UGT1A3: variants seen among roughly 807,000 people sequenced by gnomAD.
The protein encoded by UGT1A3 is UDP glucuronosyltransferase family 1 member A3.
UGT1A3 carries 31 observed loss-of-function variants against 41.0 expected under a neutral mutation model. That is an observed-to-expected ratio of 0.76 (90% CI 0.57 to 1.02). UGT1A3 has a LOEUF of 1.02. Ranked by LOEUF, UGT1A3 falls within the 50% of genes least tolerant of loss-of-function variation. The probability of loss-of-function intolerance (pLI) is 0.00; values close to 1 mark genes in which losing one functional copy is unlikely to be tolerated. For missense variants in UGT1A3, 737 were observed against 671.0 expected (o/e 1.10, Z -1.09); for synonymous variants, 262 against 257.6 (o/e 1.02, Z -0.17).
intron 1 of UGT1A3, among the ~76,000 whole-genome samples, chr2:233,744,590 G>C (rs1190508519): frequency 6.6e-6 from 1 of 151,850 alleles, no homozygotes; most frequent in Non-Finnish European, 1.5e-5. Flanking sequence ...TACAGTTTTT[G>C]CATCTCTCTT....
At position 233,769,202 on chromosome 2, in the gene UGT1A3, CACAG is replaced by C. The variant is rs1699813403; in HGVS notation, c.1307+767_1307+770del. Among the ~76,000 whole-genome samples the C allele has an allele frequency of 6.6e-6, 1 of 152,204 alleles. No homozygotes were observed. Among genetic ancestry groups the C allele is most frequent in the African/African-American group, 2.4e-5 (1 of 41,446 alleles). On this transcript the variant is annotated intron_variant, in intron 4 of 4. Coordinates refer to ENST00000482026, the MANE Select transcript of UGT1A3 (RefSeq NM_019093.4). The surrounding 1 kb of genome is among the most constrained non-coding windows in gnomAD (Gnocchi z 4.4). ...TATGAATGAAGGAGCTATAAGATAT[CACAG>C]ACAAAGTCTTAGAATAAGAGCAAAG...
chr2:233,756,334 A>G (rs1057243294), intron 1 of UGT1A3: 3 of 152,176 alleles, frequency 2.0e-5, no homozygotes, highest in African/African-American at 7.2e-5. Context: ...ACCTCTAGTC[A>G]TCTCTTGATT....
chr2:233,767,766 C>T lies in UGT1A3; in HGVS notation c.1000-83C>T, dbSNP rs28900402. The stretch of plus-strand genomic sequence containing the variant: ...TAAAGACTGTTCCTTCAGAGGACCC[C>T]TGTTTTCTAGTTAGTATAGCAGATT... On this transcript the variant is annotated intron_variant, in intron 2 of 4. Coordinates refer to ENST00000482026, the MANE Select transcript of UGT1A3 (RefSeq NM_019093.4). 4.7e-3 allele frequency: 7,536 copies of T among 1,609,198 alleles called. 310 individuals are homozygous for T. The African/African-American group carries it at 0.088, about 19-fold the overall frequency.
In UGT1A3 at chr2:233,767,540, C is replaced by T. The variant is rs570115667; in HGVS notation, c.1000-309C>T. Among the ~76,000 whole-genome samples the T allele has an allele frequency of 2.0e-5, 3 of 152,348 alleles. No homozygotes were observed. In the East Asian group the frequency reaches 5.8e-4, roughly 29 times the overall value. On this transcript the variant is annotated intron_variant, in intron 2 of 4. Transcript: ENST00000482026. ...TGAATTTATGTCTTACATTTCTGCT[C>T]TTATAGTTCTGCATCCACTTGTTTC...
chr2:233,747,703 AC>A, intron 1 of UGT1A3: 1 of 1,612,262 alleles, frequency 6.2e-7, no homozygotes, highest in Non-Finnish European at 8.5e-7. Context: ...CTGGCTAAGT[AC>A]CTATCAATTC....
At position 233,769,699 on chromosome 2, in the gene UGT1A3, A is replaced by G. The variant is rs1699920777; in HGVS notation, c.1307+1260A>G. On this transcript the variant is annotated intron_variant, in intron 4 of 4. Transcript: ENST00000482026. The surrounding 1 kb of genome is among the most constrained non-coding windows in gnomAD (Gnocchi z 4.4). ...TGTGTGTGGTGGCACTGGATAAAAG[A>G]TCAATGTTGGCTAGGCACCATGGCA... 4 of 1,529,942 alleles carry G rather than the reference A, an allele frequency of 2.6e-6. No individual in the cohort carries two copies. The South Asian group carries it at 3.8e-5, about 14-fold the overall frequency. 94.8% of individuals were successfully genotyped at this position (1,529,942 alleles called of 1,614,324 possible). A position where few individuals can be genotyped will look rare whatever the true frequency, so the allele number is the denominator to read the frequency against.
At chr2:233,733,213 G>T (rs974647269) in intron 1 of UGT1A3, among the ~76,000 whole-genome samples, 1 of 152,158 alleles carries the variant, frequency 6.6e-6, no homozygotes, top group African/African-American at 2.4e-5. Flanking sequence ...TTTGGGCTGA[G>T]ACAATGGGGT....
chr2:233,748,596 G>C (rs905519077), intron 1 of UGT1A3, among the ~76,000 whole-genome samples: 5 of 151,812 alleles, frequency 3.3e-5, no homozygotes, highest in African/African-American at 1.2e-4. Flanking sequence ...CAGTTCAGTG[G>C]AAGTAGAGCA....
In UGT1A3 at chr2:233,729,508, T is replaced by C. The variant is rs1302187819; in HGVS notation, c.382T>C (p.Cys128Arg). 3 of 1,614,204 alleles carry C rather than the reference T, an allele frequency of 1.9e-6. No individual in the cohort carries two copies. Among genetic ancestry groups the C allele is most frequent in the African/African-American group, 1.3e-5 (1 of 75,048 alleles). Residue 128 changes from cysteine to arginine, a missense_variant, in exon 1 of 5, where the codon TGT (cysteine) becomes CGT (arginine). By Grantham distance (180) the Cys-to-Arg change is radical. Coordinates refer to ENST00000482026, the MANE Select transcript of UGT1A3 (RefSeq NM_019093.4). ...NNMSLVYHRS[C>R]VELLHNEALI... is the part of the protein sequence containing the mutation. ...TATGTCTTTGGTCTATCATAGGTCT[T>C]GTGTGGAGCTACTACATAATGAGGC...
At position 233,749,745 on chromosome 2, in the gene UGT1A3, G is replaced by T. The variant is rs1364813109; in HGVS notation, c.868-17289G>T. On this transcript the variant is annotated intron_variant, in intron 1 of 4. Coordinates refer to ENST00000482026, the MANE Select transcript of UGT1A3 (RefSeq NM_019093.4). ...TTTCGCACCTGCTGGTCTCATCATA[G>T]TGAGTGAGTTCTTATGAGATCTGAT... Among the ~76,000 whole-genome samples the T allele has an allele frequency of 4.6e-5, 7 of 151,902 alleles. 2 individuals carry two copies. The highest frequency in any genetic ancestry group is 1.0e-4 in the Non-Finnish European group (7 of 68,034).
chr2:233,753,810 A>G (rs1695316193), intron 1 of UGT1A3, among the ~76,000 whole-genome samples: 1 of 152,190 alleles, frequency 6.6e-6, no homozygotes, highest in Non-Finnish European at 1.5e-5. Flanking sequence ...ATAGTTGGAG[A>G]ACCACGTTAG....
intron 1 of UGT1A3, chr2:233,755,178 T>C: frequency 8.1e-7 from 1 of 1,236,812 alleles, no homozygotes; most frequent in Non-Finnish European, 1.1e-6. Flanking sequence ...TTTGTCGGGG[T>C]GCCACTTGAG....
At position 233,772,686 on chromosome 2, in the gene UGT1A3, C is replaced by T. The variant is rs1700541749; in HGVS notation, c.*127C>T. The T allele has an allele frequency of 2.0e-6, 3 of 1,495,122 alleles. No individual in the cohort carries two copies. The highest frequency in any genetic ancestry group is 2.4e-5 in the Admixed American group (1 of 41,056). 92.6% of individuals were successfully genotyped at this position (1,495,122 alleles called of 1,614,324 possible). A position where few individuals can be genotyped will look rare whatever the true frequency, so the allele number is the denominator to read the frequency against. On this transcript the variant is annotated 3_prime_UTR_variant, in exon 5 of 5. Coordinates refer to ENST00000482026, the MANE Select transcript of UGT1A3 (RefSeq NM_019093.4). ...ATACTTTGCATAAATTAATCAGCCCCAGAGTGCTTTAAAAAATTCTCTTAA... is the reference window on the plus strand; with the variant it reads ...ATACTTTGCATAAATTAATCAGCCCTAGAGTGCTTTAAAAAATTCTCTTAA...
chr2:233,737,372 G>T (rs992613847), intron 1 of UGT1A3, among the ~76,000 whole-genome samples: 12 of 152,258 alleles, frequency 7.9e-5, no homozygotes, highest in African/African-American at 2.7e-4. Flanking sequence ...CCAGGCAGGG[G>T]AGAGAATCTC....
Position 233,758,775 on chromosome 2 carries a change from G to C in UGT1A3, c.868-8259G>C, listed in dbSNP as rs534171239. Among the ~76,000 whole-genome samples the C allele has an allele frequency of 2.6e-5, 4 of 152,252 alleles. No individual in the cohort carries two copies. In the East Asian group the frequency reaches 7.7e-4, roughly 29 times the overall value. On this transcript the variant is annotated intron_variant, in intron 1 of 4. Coordinates refer to ENST00000482026, the MANE Select transcript of UGT1A3 (RefSeq NM_019093.4). ...AGTGATGTGTATGGTTCAAATGTTGGGATCTGTGCAGTTATCTTGGAATTG... is the reference window on the plus strand; with the variant it reads ...AGTGATGTGTATGGTTCAAATGTTGCGATCTGTGCAGTTATCTTGGAATTG...
intron 3 of UGT1A3, 45 bp downstream of exon 3, chr2:233,767,981 T>G: frequency 6.2e-7 from 1 of 1,614,178 alleles, no homozygotes; most frequent in Non-Finnish European, 8.5e-7. Flanking sequence ...AGGGTCAAAT[T>G]AAGAAAATGG....
intron 1 of UGT1A3, among the ~76,000 whole-genome samples, chr2:233,735,224 A>T (rs953132895): frequency 1.3e-5 from 2 of 152,126 alleles, no homozygotes; most frequent in African/African-American, 4.8e-5. Context: ...TATATTTAGG[A>T]TAGTTAGCTC....
At chr2:233,747,854 G>A (rs28900382) in intron 1 of UGT1A3, 43 of 1,613,390 alleles carry the variant, frequency 2.7e-5, no homozygotes, top group Non-Finnish European at 3.6e-5. Flanking sequence ...TCAAGAACAT[G>A]CTCTACCCTC....
chr2:233,746,409 A>G (rs1367378593), intron 1 of UGT1A3, among the ~76,000 whole-genome samples: 2 of 151,722 alleles, frequency 1.3e-5, no homozygotes, highest in Non-Finnish European at 2.9e-5. Flanking sequence ...AGTGTGTCCA[A>G]TGGTGACCTA....
Sources: gnomAD v4.1 joint callset for allele counts (sites outside exome capture counted in the v4.1 genomes callset) on GRCh38, gnomAD v4.1.1 for gene constraint, Gnocchi (gnomAD v3.1) non-coding constraint, MANE v1.5 for transcripts, NCBI Gene and HGNC (gene_info 2026-07-23, HGNC 2026-07-21) for gene names.